Variants in LRBA observed in about 807,000 individuals in gnomAD.
LRBA encodes lipopolysaccharide-responsive and beige-like anchor protein.
Under a neutral mutation model 330.0 loss-of-function variants are expected in LRBA, and 176 were observed. The ratio of observed to expected loss-of-function variants is 0.53; its 90% confidence interval spans 0.47 to 0.60. The LOEUF (loss-of-function observed/expected upper bound fraction) is 0.60. Ranked by LOEUF, LRBA falls within the 20% of genes least tolerant of loss-of-function variation. LRBA has a pLI of 0.00. For synonymous variants in LRBA, 1,230 were observed against 1,193.0 expected (o/e 1.03, Z -0.64); for missense variants, 3,259 against 3,444.8 (o/e 0.95, Z 1.35).
chr4:150,325,710 C>T (rs911270693), intron 49 of LRBA, 99 bp downstream of exon 49: 5 of 819,932 alleles, frequency 6.1e-6, no homozygotes, highest in Admixed American at 2.0e-5. Context: ...AACAAACCCA[C>T]ATATGGTGGA....
At chr4:150,334,981 C>A (rs911320908) in intron 48 of LRBA, among the ~76,000 whole-genome samples, 1 of 151,610 alleles carries the variant, frequency 6.6e-6, no homozygotes, top group Non-Finnish European at 1.5e-5. Context: ...AGGTATGCAC[C>A]ACCACACCTG....
chr4:150,624,310 C>CAAAAA (rs11301318), intron 37 of LRBA, among the ~76,000 whole-genome samples: 1 of 140,342 alleles, frequency 7.1e-6, no homozygotes, highest in Non-Finnish European at 1.6e-5. Context: ...ACCTCCCTAT[C>CAAAAA]AAAAAAAAAA....
At chr4:150,287,092 T>G (rs1748230149) in intron 53 of LRBA, among the ~76,000 whole-genome samples, 1 of 152,186 alleles carries the variant, frequency 6.6e-6, no homozygotes, top group South Asian at 2.1e-4. Context: ...CACTGTGTAA[T>G]CCAGAAGAGA....
At chr4:150,946,605 T>G (rs1308108975) in intron 2 of LRBA, among the ~76,000 whole-genome samples, 1 of 152,076 alleles carries the variant, frequency 6.6e-6, no homozygotes, top group Non-Finnish European at 1.5e-5. Flanking sequence ...TCAAAATTTG[T>G]GGGCCATACC....
intron 46 of LRBA, among the ~76,000 whole-genome samples, chr4:150,427,169 A>G (rs1749749558): frequency 6.6e-6 from 1 of 151,904 alleles, no homozygotes; most frequent in Non-Finnish European, 1.5e-5. Flanking sequence ...TTTCTAGTTG[A>G]ACAAAAAATA....
intron 36 of LRBA, among the ~76,000 whole-genome samples, chr4:150,688,075 A>C (rs1297807991): frequency 6.6e-6 from 1 of 152,228 alleles, no homozygotes; most frequent in Admixed American, 6.5e-5. Context: ...ACAGTAACCA[A>C]AACAGCATGG....
chr4:150,368,263 C>G (rs78816371), intron 47 of LRBA, among the ~76,000 whole-genome samples: 1 of 152,032 alleles, frequency 6.6e-6, no homozygotes, highest in East Asian at 1.9e-4. Flanking sequence ...GAAAATGTTC[C>G]CATCAGTGGT....
chr4:150,938,915 T>C (rs543051547), intron 2 of LRBA, among the ~76,000 whole-genome samples: 8 of 152,206 alleles, frequency 5.3e-5, no homozygotes, highest in Non-Finnish European at 7.3e-5. Flanking sequence ...CTGCATTTTC[T>C]CAGAAATTAA....
chr4:150,836,484 C>T lies in LRBA; in HGVS notation c.4570-4508G>A, dbSNP rs1748101308. Among the ~76,000 whole-genome samples the T allele has an allele frequency of 2.6e-5, 4 of 152,094 alleles. No individual in the cohort carries two copies. The South Asian group carries it at 8.3e-4, about 32-fold the overall frequency. On this transcript the variant is annotated intron_variant, in intron 28 of 56. Coordinates refer to ENST00000651943, the MANE Select transcript of LRBA (RefSeq NM_001364905.1). ...ATTATTGCCTCAATTTCAGAGCCTG[C>T]TATTGGTCTCTTCAGGGATTCAACT...
intron 17 of LRBA, among the ~76,000 whole-genome samples, chr4:150,874,421 A>G (rs2127015775): frequency 6.6e-6 from 1 of 152,364 alleles, no homozygotes; most frequent in East Asian, 1.9e-4. Flanking sequence ...GTGGCTGTGC[A>G]GGCATGCCAG....
intron 47 of LRBA, among the ~76,000 whole-genome samples, chr4:150,366,378 C>T (rs7676454): frequency 0.03 from 4,543 of 152,208 alleles, 235 homozygotes; most frequent in African/African-American, 0.1. Flanking sequence ...ATGTCTACCA[C>T]TGTAGTTAAA....
intron 37 of LRBA, among the ~76,000 whole-genome samples, chr4:150,611,777 T>C (rs1053757784): frequency 1.3e-5 from 2 of 152,192 alleles, no homozygotes; most frequent in Non-Finnish European, 2.9e-5. Context: ...TATTCAGAAA[T>C]ATGTTTAGTA....
At chr4:150,423,691 G>A (rs1234934196) in intron 46 of LRBA, 4 of 213,434 alleles carry the variant, frequency 1.9e-5, no homozygotes, top group East Asian at 3.1e-4. Context: ...ACCACTGCAC[G>A]CCCCGCACAG....
chr4:150,974,252 G>A (rs1023099470), intron 2 of LRBA, among the ~76,000 whole-genome samples: 1 of 152,184 alleles, frequency 6.6e-6, no homozygotes, highest in Non-Finnish European at 1.5e-5. Context: ...ACAGATCAGA[G>A]TTCAGAGAGA....
At chr4:150,692,527 T>A (rs1401600990) in intron 36 of LRBA, among the ~76,000 whole-genome samples, 1 of 152,082 alleles carries the variant, frequency 6.6e-6, no homozygotes, top group African/African-American at 2.4e-5. Context: ...GCAAGAAGTT[T>A]TTAAAAAGTG....
intron 2 of LRBA, among the ~76,000 whole-genome samples, chr4:150,960,252 C>A (rs1737999051): frequency 6.7e-6 from 1 of 148,650 alleles, no homozygotes; most frequent in South Asian, 2.1e-4. Context: ...GACATAAGAG[C>A]CTCCGGATGA....
At chr4:150,470,987 T>G (rs1253285719) in intron 43 of LRBA, among the ~76,000 whole-genome samples, 1 of 152,068 alleles carries the variant, frequency 6.6e-6, no homozygotes, top group East Asian at 1.9e-4. Flanking sequence ...TAATATCACT[T>G]AGGTGCTCAA....
At position 150,369,829 on chromosome 4, in the gene LRBA, C is replaced by CTT. The variant is rs567008771; in HGVS notation, c.7195-19672_7195-19671dup. ...CTCCATATAGTACTGTCCTCCATGC[C>CTT]TTTATAAGAGCATTAGTGAGGCAGC... On this transcript the variant is annotated intron_variant, in intron 47 of 56. Coordinates refer to ENST00000651943, the MANE Select transcript of LRBA (RefSeq NM_001364905.1). Among the ~76,000 whole-genome samples, 745 of 152,206 alleles carry CTT rather than the reference C, an allele frequency of 4.9e-3. 3 individuals are homozygous for CTT. The highest frequency in any genetic ancestry group is 8.2e-3 in the Non-Finnish European group (559 of 67,970).
rs555969657 is a variant in LRBA, at chr4:150,310,243, T to C, written c.7835A>G (p.Tyr2612Cys). 2.5e-6 allele frequency: 4 copies of C among 1,611,586 alleles called. No individual in the cohort carries two copies. The African/African-American group carries it at 4.0e-5, about 16-fold the overall frequency. ...CGFWDKSFRV[Y>C]STDTGRLIQV... Reference sequence around the variant, plus strand: ...ATGAAAATTACCTGTGTCTGTAGAATAGACTCTGAAACTTTTATCCCAGAA... The same window carrying C: ...ATGAAAATTACCTGTGTCTGTAGAACAGACTCTGAAACTTTTATCCCAGAA... The change falls in exon 52 of 57, where the codon TAT becomes TGT. Residue 2612 changes from tyrosine to cysteine, a missense_variant. Physicochemically the swap from Tyr to Cys is radical, Grantham distance 194. Coordinates refer to ENST00000651943, the MANE Select transcript of LRBA (RefSeq NM_001364905.1).
Sources: allele counts gnomAD v4.1 joint callset (sites outside exome capture counted in the v4.1 genomes callset), GRCh38; gene constraint gnomAD v4.1.1; transcripts MANE v1.5; gene names NCBI Gene and HGNC (gene_info 2026-07-23, HGNC 2026-07-21).